Variants in AKAP10 observed in about 807,000 individuals in gnomAD.
The protein encoded by AKAP10 is A-kinase anchoring protein 10.
A neutral mutation model predicts 80.8 loss-of-function variants in AKAP10; 24 were observed. That is an observed-to-expected ratio of 0.30 (90% CI 0.22 to 0.42). The LOEUF (loss-of-function observed/expected upper bound fraction) is 0.42. Among genes scored for constraint, AKAP10 ranks in the 10% least tolerant of loss-of-function variants. AKAP10 has a pLI of 1.00. For synonymous variants in AKAP10, 291 were observed against 277.7 expected (o/e 1.05, Z -0.48); for missense variants, 661 against 794.9 (o/e 0.83, Z 2.03).
intron 1 of AKAP10, among the ~76,000 whole-genome samples, chr17:19,970,243 G>A (rs1350358905): frequency 2.0e-5 from 3 of 152,222 alleles, no homozygotes; most frequent in African/African-American, 7.2e-5. Flanking sequence ...AATTCCGGAA[G>A]TCATCCTTAA....
At chr17:19,908,520 G>C (rs2042655636) in intron 14 of AKAP10, among the ~76,000 whole-genome samples, 1 of 152,102 alleles carries the variant, frequency 6.6e-6, no homozygotes, top group Admixed American at 6.6e-5. Context: ...CACATATACA[G>C]ATCACTCCTA....
chr17:19,915,373 G>A (rs1318428898), intron 12 of AKAP10, among the ~76,000 whole-genome samples: 1 of 152,184 alleles, frequency 6.6e-6, no homozygotes, highest in Admixed American at 6.5e-5. Context: ...ACAAGTCAGG[G>A]TCATTAAAAA....
Position 19,977,645 on chromosome 17 carries a change from G to A in AKAP10, c.35C>T (p.Pro12Leu), listed in dbSNP as rs1005762306. Reference protein sequence around the residue: ...RGAGPSPRQSPRTLRPDPGPA... With the variant: ...RGAGPSPRQSLRTLRPDPGPA... ...GCCCGGGTCGGGACGGAGGGTGCGG[G>A]GGGACTGGCGCGGGGAGGGCCCGGC... Residue 12 changes from proline to leucine, a missense_variant, in exon 1 of 15, where the codon CCC (proline) becomes CTC (leucine). Pro to Leu is a moderately conservative substitution (Grantham distance 98). Coordinates refer to ENST00000225737, the MANE Select transcript of AKAP10 (RefSeq NM_007202.4). 1 of 1,235,514 alleles carries A rather than the reference G, an allele frequency of 8.1e-7. No individual in the cohort carries two copies. The highest frequency in any genetic ancestry group is 4.2e-5 in the Admixed American group (1 of 23,724). 76.5% of individuals were successfully genotyped at this position (1,235,514 alleles called of 1,614,324 possible).
At chr17:19,915,934 A>G (rs1244768636) in intron 12 of AKAP10, among the ~76,000 whole-genome samples, 1 of 152,170 alleles carries the variant, frequency 6.6e-6, no homozygotes, top group Non-Finnish European at 1.5e-5. Flanking sequence ...CCAACTTCCA[A>G]TGTGTCCCTG....
intron 4 of AKAP10, among the ~76,000 whole-genome samples, chr17:19,955,834 C>CAA (rs535636185): frequency 1.4e-5 from 2 of 144,728 alleles, no homozygotes; most frequent in Non-Finnish European, 3.0e-5. Flanking sequence ...GACTCCATCT[C>CAA]AAAAAAAAAA....
intron 4 of AKAP10, among the ~76,000 whole-genome samples, chr17:19,951,979 C>T (rs2043221065): frequency 6.9e-6 from 1 of 144,012 alleles, no homozygotes; most frequent in Non-Finnish European, 1.5e-5. Context: ...ATATACTAAA[C>T]TGGTAATCTA....
chr17:19,960,662 G>C (rs1444456327), intron 3 of AKAP10, among the ~76,000 whole-genome samples: 1 of 152,178 alleles, frequency 6.6e-6, no homozygotes, highest in Non-Finnish European at 1.5e-5. Flanking sequence ...TGGAAGGTAA[G>C]TTTTCATTTA....
intron 2 of AKAP10, among the ~76,000 whole-genome samples, chr17:19,963,637 G>C (rs1035037769): frequency 6.6e-6 from 1 of 152,142 alleles, no homozygotes; most frequent in Non-Finnish European, 1.5e-5. Flanking sequence ...GCTCATGCCT[G>C]CAATCGCAGT....
chr17:19,906,537 G>C (rs917677193), intron 14 of AKAP10, among the ~76,000 whole-genome samples: 6 of 152,194 alleles, frequency 3.9e-5, no homozygotes, highest in Non-Finnish European at 5.9e-5. Context: ...ATTTTCAATA[G>C]AGTAATTCTA....
chr17:19,909,217 C>T lies in AKAP10; in HGVS notation c.1947G>A (p.Gln649=). The change falls in exon 14 of 15, where the codon CAG becomes CAA. Residue 649 remains glutamine, a synonymous_variant. Transcript: ENST00000225737. ...TCTCTAACGGTTGATCATACTGAGC[C>T]TGCTGCATAATGTCACTGACTATCA... ...AKMIVSDIMQ[Q]AQYDQPLEKS... is the part of the protein sequence containing the mutation. 6.2e-7 allele frequency: 1 copy of T among 1,613,788 alleles called. No individual in the cohort carries two copies. The highest frequency in any genetic ancestry group is 8.5e-7 in the Non-Finnish European group (1 of 1,179,938).
At chr17:19,941,149 C>A (rs2043047508) in intron 6 of AKAP10, 139 bp from the exon 7 acceptor site, 2 of 874,076 alleles carry the variant, frequency 2.3e-6, no homozygotes, top group Non-Finnish European at 3.3e-6. Context: ...TGGTGTCATT[C>A]CTGATTCCTT....
chr17:19,959,405 C>G (rs1398952396), intron 3 of AKAP10, among the ~76,000 whole-genome samples: 1 of 152,120 alleles, frequency 6.6e-6, no homozygotes, highest in Non-Finnish European at 1.5e-5. Context: ...GAGGAGCATT[C>G]AGGAACAGAT....
At chr17:19,958,842 C>CTTTTTTTTTTTTTTTTTTT (rs772496178) in intron 3 of AKAP10, among the ~76,000 whole-genome samples, 1 of 92,936 alleles carries the variant, frequency 1.1e-5, no homozygotes. Context: ...CATGTAAATT[C>CTTTTTTTTTTTTTTTTTTT]TTTTTTTTTT....
At chr17:19,957,260 G>T (rs1048278617) in intron 4 of AKAP10, among the ~76,000 whole-genome samples, 1 of 151,734 alleles carries the variant, frequency 6.6e-6, no homozygotes, top group Admixed American at 6.6e-5. Flanking sequence ...AAGATAATCA[G>T]TCCGGGCGCG....
intron 3 of AKAP10, among the ~76,000 whole-genome samples, chr17:19,961,231 A>G (rs1466502824): frequency 1.3e-5 from 2 of 151,154 alleles, no homozygotes; most frequent in East Asian, 2.0e-4. Flanking sequence ...GTGCATGCCT[A>G]TAGTCCCAGC....
intron 9 of AKAP10, among the ~76,000 whole-genome samples, chr17:19,935,694 T>G (rs545670519): frequency 8.3e-4 from 126 of 152,128 alleles, no homozygotes; most frequent in African/African-American, 3.0e-3. Flanking sequence ...AGGGTCAGGA[T>G]CATCAATAAC....
chr17:19,963,792 A>G (rs1417316377), intron 2 of AKAP10, among the ~76,000 whole-genome samples: 1 of 152,096 alleles, frequency 6.6e-6, no homozygotes, highest in Middle Eastern at 3.2e-3. Context: ...GCTACTTGGG[A>G]GACCGAGGCA....
chr17:19,969,737 C>T (rs1253817651), intron 1 of AKAP10, among the ~76,000 whole-genome samples: 1 of 152,054 alleles, frequency 6.6e-6, no homozygotes, highest in Non-Finnish European at 1.5e-5. Context: ...CAGACATGCT[C>T]CCAGCTCAGA....
intron 5 of AKAP10, among the ~76,000 whole-genome samples, chr17:19,946,259 A>T (rs868518841): frequency 3.3e-4 from 8 of 23,910 alleles, no homozygotes; most frequent in African/African-American, 8.9e-4. Flanking sequence ...ATATATATAT[A>T]TATATATATA....
Sources: allele counts gnomAD v4.1 joint callset (sites outside exome capture counted in the v4.1 genomes callset), GRCh38; gene constraint gnomAD v4.1.1; transcripts MANE v1.5; gene names NCBI Gene and HGNC (gene_info 2026-07-23, HGNC 2026-07-21).